Variants in IMMP2L observed in about 807,000 individuals in gnomAD.
IMMP2L encodes inner mitochondrial membrane peptidase subunit 2, also known as mitochondrial inner membrane protease subunit 2.
IMMP2L carries 18 observed loss-of-function variants against 19.3 expected under a neutral mutation model. The observed-to-expected ratio is 0.93, with a 90% CI of 0.64 to 1.38. The LOEUF (loss-of-function observed/expected upper bound fraction) is 1.38. Among genes scored for constraint, IMMP2L ranks in the 40% most tolerant of loss-of-function variants. The pLI is 0.00. For synonymous variants in IMMP2L, 76 were observed against 73.0 expected, an observed-to-expected ratio of 1.04 and a Z score of -0.21; for missense variants, 233 against 218.2, an observed-to-expected ratio of 1.07 and a Z score of -0.43.
chr7:111,238,382 T>C (rs1256805147), intron 3 of IMMP2L, among the ~76,000 whole-genome samples: 1 of 151,992 alleles, frequency 6.6e-6, no homozygotes, highest in Non-Finnish European at 1.5e-5. Context: ...ATCTGTAAAG[T>C]GAAGACAATA....
At chr7:110,982,436 G>A (rs1821399208) in intron 3 of IMMP2L, among the ~76,000 whole-genome samples, 1 of 152,034 alleles carries the variant, frequency 6.6e-6, no homozygotes, top group African/African-American at 2.4e-5. Context: ...ATATTAAGGG[G>A]AAAAAGACAT....
intron 3 of IMMP2L, among the ~76,000 whole-genome samples, chr7:111,486,800 TC>T (rs1458085293): frequency 6.6e-6 from 1 of 152,102 alleles, no homozygotes; most frequent in Non-Finnish European, 1.5e-5. Context: ...CTTTCAAACT[TC>T]CTTTTTCAGT....
rs557371095 is a variant in IMMP2L, at chr7:111,437,826, C to T, written c.239+49412G>A. On this transcript the variant is annotated intron_variant, in intron 3 of 5. Coordinates refer to ENST00000405709, the MANE Select transcript of IMMP2L (RefSeq NM_032549.4). ...TACATACAAATGTGTAGGTTTTACA[C>T]ATGTGAATATCATTACAGTTATGCA... Among the ~76,000 whole-genome samples the T allele has an allele frequency of 3.9e-5, 6 of 151,954 alleles. No individual in the cohort carries two copies. The South Asian group carries it at 1.0e-3, about 26-fold the overall frequency.
chr7:111,558,270 G>C (rs1361231700), intron 1 of IMMP2L, among the ~76,000 whole-genome samples: 1 of 152,118 alleles, frequency 6.6e-6, no homozygotes, highest in African/African-American at 2.4e-5. Flanking sequence ...GACCCCTTCT[G>C]AGTCCTCACT....
intron 3 of IMMP2L, among the ~76,000 whole-genome samples, chr7:111,484,391 A>G (rs1842448223): frequency 6.6e-6 from 1 of 152,170 alleles, no homozygotes. Flanking sequence ...TTCTGAATAC[A>G]TTGTCTCAAG....
intron 3 of IMMP2L, among the ~76,000 whole-genome samples, chr7:111,459,941 G>GA (rs1839996059): frequency 6.6e-6 from 1 of 152,106 alleles, no homozygotes. Context: ...AGCTGACTTG[G>GA]AAAATCAGAG....
At chr7:111,559,431 T>A (rs140077617) in intron 1 of IMMP2L, among the ~76,000 whole-genome samples, 1 of 152,308 alleles carries the variant, frequency 6.6e-6, no homozygotes, top group East Asian at 1.9e-4. Context: ...CTTTCTCACT[T>A]TAAGAATAGT....
At chr7:111,264,726 A>G (rs531600178) in intron 3 of IMMP2L, among the ~76,000 whole-genome samples, 5 of 151,146 alleles carry the variant, frequency 3.3e-5, no homozygotes, top group Admixed American at 6.6e-5. Context: ...TGCCAGGGAT[A>G]CTAGATATGG....
At chr7:111,310,563 T>C (rs570431911) in intron 3 of IMMP2L, among the ~76,000 whole-genome samples, 175 of 152,272 alleles carry the variant, frequency 1.1e-3, no homozygotes, top group Non-Finnish European at 1.4e-3. Flanking sequence ...CTTTTATTAG[T>C]TCTAAGAAAT....
intron 4 of IMMP2L, among the ~76,000 whole-genome samples, chr7:110,922,106 C>T (rs1002560295): frequency 6.6e-6 from 1 of 152,144 alleles, no homozygotes. Context: ...TCTCATATGA[C>T]AGAGTGCCAA....
chr7:110,934,929 A>G (rs1312592518), intron 4 of IMMP2L, among the ~76,000 whole-genome samples: 2 of 152,166 alleles, frequency 1.3e-5, no homozygotes, highest in South Asian at 2.1e-4. Context: ...TAGCACACTG[A>G]TAAGTCTTGA....
chr7:111,557,364 G>A (rs1791489560), intron 1 of IMMP2L, among the ~76,000 whole-genome samples: 1 of 152,140 alleles, frequency 6.6e-6, no homozygotes, highest in Non-Finnish European at 1.5e-5. Flanking sequence ...TCTAGGAAGT[G>A]TACCCTGAAC....
intron 3 of IMMP2L, among the ~76,000 whole-genome samples, chr7:111,374,960 T>A (rs958280738): frequency 7.2e-5 from 11 of 152,126 alleles, no homozygotes; most frequent in Admixed American, 4.6e-4. Context: ...GATATCACGA[T>A]GTATCAAGAA....
chr7:111,109,876 C>T (rs941608889), intron 3 of IMMP2L, among the ~76,000 whole-genome samples: 6 of 152,182 alleles, frequency 3.9e-5, no homozygotes, highest in Non-Finnish European at 8.8e-5. Flanking sequence ...TGGCTCATGC[C>T]TGTAATTCCA....
intron 3 of IMMP2L, among the ~76,000 whole-genome samples, chr7:111,208,102 G>T (rs1810920310): frequency 6.6e-6 from 1 of 151,988 alleles, no homozygotes; most frequent in Admixed American, 6.6e-5. Flanking sequence ...GGACCTAATG[G>T]ACTCAAACAG....
intron 3 of IMMP2L, among the ~76,000 whole-genome samples, chr7:111,153,150 C>G (rs945540237): frequency 3.3e-5 from 5 of 151,994 alleles, no homozygotes; most frequent in African/African-American, 7.2e-5. Context: ...TGGCAAATAG[C>G]TAGTTACTCA....
chr7:110,900,505 C>T (rs1811754339), intron 4 of IMMP2L, among the ~76,000 whole-genome samples: 1 of 152,174 alleles, frequency 6.6e-6, no homozygotes, highest in South Asian at 2.1e-4. Flanking sequence ...TCTCTCTTCT[C>T]CTCCATCTTT....
intron 3 of IMMP2L, among the ~76,000 whole-genome samples, chr7:111,355,812 C>A (rs1390042942): frequency 2.0e-5 from 3 of 151,858 alleles, no homozygotes; most frequent in African/African-American, 7.2e-5. Flanking sequence ...CTTCATATTT[C>A]AAAGGTTTGT....
intron 3 of IMMP2L, among the ~76,000 whole-genome samples, chr7:111,402,755 T>C (rs1302077752): frequency 6.6e-6 from 1 of 151,902 alleles, no homozygotes; most frequent in Non-Finnish European, 1.5e-5. Context: ...AAAATCAAAT[T>C]AAAAATCCTC....
Sources: allele counts gnomAD v4.1 joint callset (sites outside exome capture counted in the v4.1 genomes callset), GRCh38; gene constraint gnomAD v4.1.1; transcripts MANE v1.5; gene names NCBI Gene and HGNC (gene_info 2026-07-23, HGNC 2026-07-21).